Variants in RAP1GAP2 observed in about 807,000 individuals in gnomAD.
RAP1GAP2 encodes the protein RAP1 GTPase activating protein 2.
RAP1GAP2 carries 27 observed loss-of-function variants against 95.0 expected under a neutral mutation model. That is an observed-to-expected ratio of 0.28 (90% CI 0.21 to 0.39). The LOEUF (loss-of-function observed/expected upper bound fraction) is 0.39, where lower values mean the gene tolerates loss of function less well. RAP1GAP2 is among the 10% of genes least tolerant of loss of function. RAP1GAP2 has a pLI of 1.00. For missense variants in RAP1GAP2, 771 were observed against 970.0 expected, an observed-to-expected ratio of 0.79 and a Z score of 2.72; for synonymous variants, 373 against 380.9, an observed-to-expected ratio of 0.98 and a Z score of 0.24.
chr17:2,927,246 C>A (rs1430141138), intron 3 of RAP1GAP2, among the ~76,000 whole-genome samples: 1 of 151,664 alleles, frequency 6.6e-6, no homozygotes, highest in Non-Finnish European at 1.5e-5. Flanking sequence ...CTCCGCCTCC[C>A]GGGTTCAGGC....
chr17:2,957,588 C>T (rs1458893470), intron 3 of RAP1GAP2, among the ~76,000 whole-genome samples, 171 bp from the exon 4 acceptor site: 3 of 152,166 alleles, frequency 2.0e-5, no homozygotes, highest in African/African-American at 7.2e-5. Context: ...GGGTGTTTGG[C>T]CCTCTAGCCC....
At chr17:2,938,519 C>T (rs1259287549) in intron 3 of RAP1GAP2, among the ~76,000 whole-genome samples, 1 of 152,160 alleles carries the variant, frequency 6.6e-6, no homozygotes, top group Non-Finnish European at 1.5e-5. Flanking sequence ...TCCTTCCCCA[C>T]AGCACCAAGT....
rs1456340379 is a variant in RAP1GAP2 at position 2,817,727 on chromosome 17, G to A, written c.80+17177G>A. Among the ~76,000 whole-genome samples, 2 of 120,664 alleles carry A rather than the reference G, an allele frequency of 1.7e-5. 1 individual carries two copies. The highest frequency in any genetic ancestry group is 4.0e-5 in the Non-Finnish European group (2 of 50,310). 79.2% of individuals were successfully genotyped at this position (120,664 alleles called of 152,430 possible). On this transcript the variant is annotated intron_variant, in intron 2 of 24. Transcript: ENST00000254695. The stretch of plus-strand genomic sequence containing the variant: ...GTAGAGACGGGGTTTCACCATGTTG[G>A]CTAGGCTGGTCTTGAACTCCTGACC...
rs1232620398 is a variant in RAP1GAP2, at chr17:2,857,167, G to C, written c.81-48117G>C. Among the ~76,000 whole-genome samples, 1 of 152,198 alleles carries C rather than the reference G, an allele frequency of 6.6e-6. No homozygotes were observed. Among genetic ancestry groups the C allele is most frequent in the Non-Finnish European group, 1.5e-5 (1 of 68,040 alleles). ...CCCTTCTTCTCCTCCCAGAAGGCTTGATCCATCCATCGATCTTCCCAGCAC... is the reference window on the plus strand; with the variant it reads ...CCCTTCTTCTCCTCCCAGAAGGCTTCATCCATCCATCGATCTTCCCAGCAC... On this transcript the variant is annotated intron_variant, in intron 2 of 24. Transcript: ENST00000254695. This position sits in a 1 kb window ranked among gnomAD's most constrained non-coding sequence, Gnocchi z 4.0.
chr17:2,887,781 C>A (rs181534473), intron 2 of RAP1GAP2, among the ~76,000 whole-genome samples: 1 of 149,380 alleles, frequency 6.7e-6, no homozygotes, highest in African/African-American at 2.5e-5. Context: ...TTCAAGCAAT[C>A]CCCCTGCCTC....
rs553674265 is a variant in RAP1GAP2, at chr17:2,857,142, CCCTTCTTCT to C, written c.81-48138_81-48130del. Among the ~76,000 whole-genome samples the C allele has an allele frequency of 5.1e-4, 78 of 152,310 alleles. No homozygotes were observed. The highest frequency in any genetic ancestry group is 1.0e-3 in the Non-Finnish European group (71 of 68,028). ...TCACAAGGTGGGGTCAGGCTCAGGC[CCCTTCTTCT>C]CCTCCCAGAAGGCTTGATCCATCCA... On this transcript the variant is annotated intron_variant, in intron 2 of 24. Transcript: ENST00000254695. The surrounding 1 kb of genome is among the most constrained non-coding windows in gnomAD (Gnocchi z 4.0).
chr17:2,832,524 C>A (rs1299052606), intron 2 of RAP1GAP2, among the ~76,000 whole-genome samples: 7 of 142,892 alleles, frequency 4.9e-5, no homozygotes, highest in Non-Finnish European at 9.0e-5. Context: ...CGCCACTGCA[C>A]TCCAGCCTGG....
At chr17:2,761,305 TGAGACGG>T (rs2071243321) in intron 1 of RAP1GAP2, among the ~76,000 whole-genome samples, 1 of 148,056 alleles carries the variant, frequency 6.8e-6, no homozygotes, top group African/African-American at 2.5e-5. Context: ...TTTTTTTTTT[TGAGACGG>T]AGTTTCACTC....
chr17:2,794,051 C>T (rs2069000777), upstream of RAP1GAP2, among the ~76,000 whole-genome samples: 1 of 149,796 alleles, frequency 6.7e-6, no homozygotes, highest in Non-Finnish European at 1.5e-5. Flanking sequence ...GTGAGCCGTG[C>T]CACTGCACTC....
At chr17:2,927,428 C>T (rs534792687) in intron 3 of RAP1GAP2, among the ~76,000 whole-genome samples, 12 of 152,204 alleles carry the variant, frequency 7.9e-5, no homozygotes, top group Non-Finnish European at 1.5e-4. Context: ...GCTGGGATTA[C>T]AGGCGTGAGC....
intron 3 of RAP1GAP2, among the ~76,000 whole-genome samples, chr17:2,923,896 C>T (rs148216124): frequency 1.3e-5 from 2 of 152,312 alleles, no homozygotes; most frequent in Non-Finnish European, 2.9e-5. Flanking sequence ...AATGAGATCA[C>T]ACTGTTTGTG....
At chr17:3,030,594 C>T (rs1043270260) in intron 22 of RAP1GAP2, among the ~76,000 whole-genome samples, 2 of 152,118 alleles carry the variant, frequency 1.3e-5, no homozygotes, top group African/African-American at 2.4e-5. Flanking sequence ...ATACAATAGA[C>T]GTAAGAGCAC....
chr17:2,943,082 T>C (rs144388743), intron 3 of RAP1GAP2, among the ~76,000 whole-genome samples: 3 of 152,186 alleles, frequency 2.0e-5, no homozygotes, highest in Non-Finnish European at 4.4e-5. Flanking sequence ...TTCCAAAATA[T>C]TTGATCATCC....
At chr17:2,999,270 G>A (rs1431955395) in intron 14 of RAP1GAP2, among the ~76,000 whole-genome samples, 1 of 152,190 alleles carries the variant, frequency 6.6e-6, no homozygotes, top group Non-Finnish European at 1.5e-5. Flanking sequence ...CAGTCTCTTG[G>A]TATCACAGTG....
chr17:2,982,048 G>C (rs2045380543), intron 10 of RAP1GAP2, among the ~76,000 whole-genome samples: 1 of 152,202 alleles, frequency 6.6e-6, no homozygotes, highest in Non-Finnish European at 1.5e-5. Context: ...TCTATCCTCT[G>C]AGTCCCAACT....
intron 1 of RAP1GAP2, among the ~76,000 whole-genome samples, chr17:2,777,944 AGGAGGCTG>A (rs1296195306): frequency 1.2e-4 from 14 of 115,700 alleles, no homozygotes; most frequent in Middle Eastern, 4.2e-3. Flanking sequence ...CACAGCTGCC[AGGAGGCTG>A]GGAGGCTGGG....
At chr17:2,795,600 G>A (rs1046030493), upstream of RAP1GAP2, among the ~76,000 whole-genome samples, 12 of 152,226 alleles carry the variant, frequency 7.9e-5, no homozygotes, top group African/African-American at 1.7e-4. Flanking sequence ...GCGGGGGTGG[G>A]GGGCGGCTGA....
chr17:2,830,789 A>C (rs1224362135), intron 2 of RAP1GAP2, among the ~76,000 whole-genome samples: 1 of 152,014 alleles, frequency 6.6e-6, no homozygotes, highest in Non-Finnish European at 1.5e-5. Context: ...TGGTTCTAAA[A>C]CCAAAATGAT....
At chr17:2,913,248 C>T (rs977956584) in intron 3 of RAP1GAP2, among the ~76,000 whole-genome samples, 6 of 151,714 alleles carry the variant, frequency 4.0e-5, no homozygotes, top group South Asian at 2.1e-4. Context: ...TTTCCCTCCT[C>T]ACCTGTGCAC....
Sources: allele counts gnomAD v4.1 joint callset (sites outside exome capture counted in the v4.1 genomes callset), GRCh38; gene constraint gnomAD v4.1.1; non-coding constraint Gnocchi (gnomAD v3.1); transcripts MANE v1.5; gene names NCBI Gene and HGNC (gene_info 2026-07-23, HGNC 2026-07-21).